The following IBSP variants were observed in gnomAD, a reference collection of about 807,000 sequenced individuals.
The protein encoded by IBSP is integrin binding sialoprotein.
A neutral mutation model predicts 25.5 loss-of-function variants in IBSP; 19 were observed. The ratio of observed to expected loss-of-function variants is 0.74; its 90% CI spans 0.52 to 1.09. IBSP has a LOEUF of 1.09. Among genes scored for constraint, IBSP ranks in the 50% least tolerant of loss-of-function variants. The pLI is 0.00. For missense variants in IBSP, 360 were observed against 382.3 expected (o/e 0.94, Z 0.49); for synonymous variants, 144 against 137.6 (o/e 1.05, Z -0.33).
Position 87,811,557 on chromosome 4 carries a change from G to A in IBSP, c.601G>A (p.Gly201Arg). The A allele has an allele frequency of 6.2e-7, 1 of 1,613,706 alleles. No homozygotes were observed. The highest frequency in any genetic ancestry group is 1.3e-5 in the African/African-American group (1 of 74,936). ...CAGCGGAGGAGACAATGGAGAAGAAGGGGAAGAAGAAAGTGTCACTGGAGC... is the reference window on the plus strand; with the variant it reads ...CAGCGGAGGAGACAATGGAGAAGAAAGGGAAGAAGAAAGTGTCACTGGAGC... ...GSSGGDNGEE[G>R]EEESVTGANA... The change falls in exon 7 of 7, where the codon GGG becomes AGG. Residue 201 changes from glycine to arginine, a missense_variant. Transcript: ENST00000226284.
chr4:87,812,119 C>G lies in IBSP; in HGVS notation c.*209C>G. The G allele has an allele frequency of 2.2e-6, 1 of 448,440 alleles. No homozygotes were observed. Among genetic ancestry groups the G allele is most frequent in the Non-Finnish European group, 3.9e-6 (1 of 258,256 alleles). The allele number at this position is 448,440 out of a possible 1,614,324, so 27.8% of individuals were successfully genotyped here. On this transcript the variant is annotated 3_prime_UTR_variant, in exon 7 of 7. Coordinates refer to ENST00000226284, the MANE Select transcript of IBSP (RefSeq NM_004967.4). ...ATGTTATGGAATGATCATTGTAAAT[C>G]AGGACCATTTATCAAGCAGTACACC...
chr4:87,806,970 A>G (rs960070057), intron 5 of IBSP, among the ~76,000 whole-genome samples: 1 of 151,958 alleles, frequency 6.6e-6, no homozygotes, highest in Non-Finnish European at 1.5e-5. Context: ...CTGTCACTGC[A>G]CTCCAGTCTG....
In IBSP at chr4:87,812,037, G is replaced by C; in HGVS notation, c.*127G>C. On this transcript the variant is annotated 3_prime_UTR_variant, in exon 7 of 7. Coordinates refer to ENST00000226284, the MANE Select transcript of IBSP (RefSeq NM_004967.4). ...AATGAGGAATGGTACTACCGTTCCA[G>C]ATTTTCTGTAATTGCTTCTGCAAAG... 2.9e-6 allele frequency: 2 copies of C among 689,020 alleles called. No homozygotes were observed. The highest frequency in any genetic ancestry group is 2.9e-5 in the South Asian group (1 of 34,036). The allele number at this position is 689,020 out of a possible 1,614,324, so 42.7% of individuals were successfully genotyped here.
At chr4:87,800,327 G>A (rs1003312254) in intron 1 of IBSP, among the ~76,000 whole-genome samples, 3 of 151,882 alleles carry the variant, frequency 2.0e-5, no homozygotes, top group Non-Finnish European at 4.4e-5. Context: ...TCTTTGTATT[G>A]TTATTATTAT....
intron 5 of IBSP, among the ~76,000 whole-genome samples, chr4:87,810,156 A>C (rs1722150735): frequency 6.6e-6 from 1 of 152,156 alleles, no homozygotes; most frequent in African/African-American, 2.4e-5. Context: ...CCCAGGAGGC[A>C]GAGGTTGCAG....
Position 87,812,407 on chromosome 4 carries a change from T to C in IBSP, c.*497T>C, listed in dbSNP as rs1433092527. On this transcript the variant is annotated 3_prime_UTR_variant, in exon 7 of 7. Transcript: ENST00000226284. ...TATGTATATTCTAATCTACGAGTTT[T>C]ATCACAAATAAAAATGCAATCCTTC... 1 of 152,584 alleles carries C rather than the reference T, an allele frequency of 6.6e-6. No homozygotes were observed. The highest frequency in any genetic ancestry group is 1.5e-5 in the Non-Finnish European group (1 of 68,298). 9.5% of individuals were successfully genotyped at this position (152,584 alleles called of 1,614,324 possible). A position where few individuals can be genotyped will look rare whatever the true frequency, so the allele number is the denominator to read the frequency against.
At chr4:87,801,127 T>C (rs1722006920) in intron 1 of IBSP, among the ~76,000 whole-genome samples, 1 of 152,152 alleles carries the variant, frequency 6.6e-6, no homozygotes, top group South Asian at 2.1e-4. Flanking sequence ...GAGGCTCTTT[T>C]TATGGCTGCA....
intron 4 of IBSP, among the ~76,000 whole-genome samples, chr4:87,804,313 A>C (rs1325092530): frequency 6.6e-6 from 1 of 152,164 alleles, no homozygotes; most frequent in Non-Finnish European, 1.5e-5. Context: ...ATTGGCTTTG[A>C]AATTCATGTT....
At chr4:87,810,501 A>G (rs1488820348) in intron 5 of IBSP, 105 bp from the exon 6 acceptor site, 4 of 901,484 alleles carry the variant, frequency 4.4e-6, no homozygotes, top group Admixed American at 2.3e-5. Flanking sequence ...AGGGATGCAA[A>G]GTTTTTCCAA....
At chr4:87,806,048 G>T in intron 4 of IBSP, 74 bp from the exon 5 acceptor site, 3 of 1,103,110 alleles carry the variant, frequency 2.7e-6, no homozygotes, top group Non-Finnish European at 4.1e-6. Flanking sequence ...GATTCAATTA[G>T]CAGGAAATTT....
intron 4 of IBSP, among the ~76,000 whole-genome samples, chr4:87,802,990 A>C (rs376943872): frequency 3.3e-5 from 5 of 152,316 alleles, no homozygotes; most frequent in African/African-American, 1.2e-4. Flanking sequence ...ACTGTAGCAC[A>C]TTGAGCTCTG....
intron 1 of IBSP, among the ~76,000 whole-genome samples, chr4:87,800,893 T>C (rs1294931683): frequency 6.6e-6 from 1 of 152,142 alleles, no homozygotes; most frequent in East Asian, 1.9e-4. Context: ...CACCACTACA[T>C]TTTGCTTCCA....
At chr4:87,804,847 T>G (rs1722068865) in intron 4 of IBSP, among the ~76,000 whole-genome samples, 1 of 152,158 alleles carries the variant, frequency 6.6e-6, no homozygotes, top group Non-Finnish European at 1.5e-5. Flanking sequence ...TGAAGGAGCA[T>G]GTGAAGTGAT....
In IBSP at chr4:87,808,982, G is replaced by A. The variant is rs982797866; in HGVS notation, c.247-1624G>A. Among the ~76,000 whole-genome samples the A allele has an allele frequency of 5.9e-5, 9 of 152,054 alleles. No homozygotes were observed. In the East Asian group the frequency reaches 9.7e-4, roughly 16 times the overall value. On this transcript the variant is annotated intron_variant, in intron 5 of 6. Transcript: ENST00000226284. ...CACCTAAAAGTGAAATTTCGGAGTC[G>A]AAATCTACTGAGGCATATATATTCA...
chr4:87,802,545 C>T lies in IBSP; in HGVS notation c.92C>T (p.Ser31Phe). 6.2e-7 allele frequency: 1 copy of T among 1,605,450 alleles called. No individual in the cohort carries two copies. Among genetic ancestry groups the T allele is most frequent in the Non-Finnish European group, 8.5e-7 (1 of 1,176,622 alleles). ...CATCGAAGAGTCAAAATAGAGGATT[C>T]TGAAGAAAATGGGGTAATTAATTTT... ...NLHRRVKIEDSEENGVFKYRP... is the reference protein window; with the variant it reads ...NLHRRVKIEDFEENGVFKYRP... The change falls in exon 3 of 7, where the codon TCT becomes TTT. Residue 31 changes from serine to phenylalanine, a missense_variant. By Grantham distance (155) the Ser-to-Phe change is radical (BLOSUM62 -2). Coordinates refer to ENST00000226284, the MANE Select transcript of IBSP (RefSeq NM_004967.4).
chr4:87,803,549 G>C (rs1279108785), intron 4 of IBSP, among the ~76,000 whole-genome samples: 4 of 152,142 alleles, frequency 2.6e-5, no homozygotes, highest in African/African-American at 9.7e-5. Flanking sequence ...CACCAATTAT[G>C]CACCACTTGA....
At chr4:87,810,129 C>T (rs570951582) in intron 5 of IBSP, among the ~76,000 whole-genome samples, 2 of 152,170 alleles carry the variant, frequency 1.3e-5, no homozygotes, top group South Asian at 4.2e-4. Context: ...GAGGCTGAGA[C>T]AGGAGAATCG....
intron 1 of IBSP, among the ~76,000 whole-genome samples, chr4:87,801,192 T>C (rs142239434): frequency 6.6e-6 from 1 of 152,214 alleles, no homozygotes; most frequent in Non-Finnish European, 1.5e-5. Context: ...TCTTCGATTG[T>C]TCCATAGAAT....
chr4:87,802,236 G>A lies in IBSP; in HGVS notation c.-14-112G>A, dbSNP rs1422806353. Reference sequence around the variant, plus strand: ...TAATTTAGTTTTAATTAGTCAAAGTGATAATTACACAGAAATGAAAACAAA... The same window carrying A: ...TAATTTAGTTTTAATTAGTCAAAGTAATAATTACACAGAAATGAAAACAAA... On this transcript the variant is annotated intron_variant, in intron 1 of 6. Coordinates refer to ENST00000226284, the MANE Select transcript of IBSP (RefSeq NM_004967.4). The A allele has an allele frequency of 7.9e-6, 5 of 636,666 alleles. No individual in the cohort carries two copies. The Admixed American group carries it at 1.7e-4, about 21-fold the overall frequency. The allele number at this position is 636,666 out of a possible 1,614,324, so 39.4% of individuals were successfully genotyped here.
Sources: allele counts gnomAD v4.1 joint callset (sites outside exome capture counted in the v4.1 genomes callset), GRCh38; gene constraint gnomAD v4.1.1; transcripts MANE v1.5; gene names NCBI Gene and HGNC (gene_info 2026-07-23, HGNC 2026-07-21).